Variants in CHD6 observed in about 807,000 individuals in gnomAD.
The protein encoded by CHD6 is chromodomain helicase DNA binding protein 6.
CHD6 carries 50 observed loss-of-function variants against 276.9 expected under a neutral mutation model. The observed-to-expected ratio is 0.18, with a 90% CI of 0.14 to 0.23. CHD6 has a LOEUF of 0.23. Among genes scored for constraint, CHD6 ranks in the 10% least tolerant of loss-of-function variants. The probability of loss-of-function intolerance (pLI) is 1.00; values close to 1 mark genes in which losing one functional copy is unlikely to be tolerated. For missense variants in CHD6, 2,564 were observed against 3,365.8 expected (o/e 0.76, Z 5.89); for synonymous variants, 1,173 against 1,229.3 (o/e 0.95, Z 0.96).
intron 3 of CHD6, among the ~76,000 whole-genome samples, chr20:41,530,535 T>A (rs1601095786): frequency 6.6e-6 from 1 of 152,320 alleles, no homozygotes; most frequent in East Asian, 1.9e-4. Context: ...AAGGCTTAAT[T>A]ACTAACATAT....
chr20:41,527,104 C>G (rs2044557976), intron 3 of CHD6, among the ~76,000 whole-genome samples: 1 of 152,102 alleles, frequency 6.6e-6, no homozygotes, highest in Admixed American at 6.5e-5. Flanking sequence ...CTGCCCTCAC[C>G]AACAACATGA....
chr20:41,435,737 C>G (rs1188652849), intron 27 of CHD6, among the ~76,000 whole-genome samples: 1 of 151,968 alleles, frequency 6.6e-6, no homozygotes, highest in Non-Finnish European at 1.5e-5. Flanking sequence ...ATCCCAGCAA[C>G]AGTTTCTGTG....
At chr20:41,459,954 T>C (rs1043119054) in intron 17 of CHD6, among the ~76,000 whole-genome samples, 3 of 152,226 alleles carry the variant, frequency 2.0e-5, no homozygotes, top group Admixed American at 2.0e-4. Context: ...TACAGACTTG[T>C]TCAATGGCTT....
At chr20:41,420,487 A>C (rs769002625) in intron 31 of CHD6, 21 bp downstream of exon 31, 2 of 1,577,622 alleles carry the variant, frequency 1.3e-6, no homozygotes, top group Admixed American at 1.8e-5. Context: ...CCAAAATGCC[A>C]CAAGATCCTA....
chr20:41,525,650 C>T (rs2044513388), intron 3 of CHD6, among the ~76,000 whole-genome samples: 1 of 152,158 alleles, frequency 6.6e-6, no homozygotes, highest in Non-Finnish European at 1.5e-5. Flanking sequence ...CTGCGTGTAC[C>T]ATCTTAAAAT....
In CHD6 at chr20:41,451,031, C is replaced by T. The variant is rs2048222566; in HGVS notation, c.3598G>A (p.Asp1200Asn). 6.2e-7 allele frequency: 1 copy of T among 1,613,898 alleles called. No homozygotes were observed. Among genetic ancestry groups the T allele is most frequent in the African/African-American group, 1.3e-5 (1 of 74,932 alleles). The change falls in exon 23 of 37, where the codon GAT (aspartate) becomes AAT (asparagine). Residue 1200 changes from aspartate (D) to asparagine (N), a missense_variant. Transcript: ENST00000373233. ...TTGCAGGTGGCTAGCCAATCTGCAT[C>T]CTTTAGCTCTGGGATTAGCAACTGG... ...KNQLLIPELK[D>N]ADWLATCNPE...
intron 1 of CHD6, among the ~76,000 whole-genome samples, chr20:41,552,879 TG>T (rs2045167279): frequency 6.6e-6 from 1 of 152,176 alleles, no homozygotes; most frequent in South Asian, 2.1e-4. Context: ...AGAGACTAAC[TG>T]GCTAAATCAG....
At chr20:41,528,838 A>G (rs748768822) in intron 3 of CHD6, among the ~76,000 whole-genome samples, 2 of 152,236 alleles carry the variant, frequency 1.3e-5, no homozygotes, top group African/African-American at 2.4e-5. Flanking sequence ...TAGAACAGAC[A>G]TGTTCAATAA....
Position 41,589,974 on chromosome 20 carries a change from G to C in CHD6, c.-24+28366C>G, listed in dbSNP as rs538184514. Reference sequence around the variant, plus strand: ...ACCTGACTTCAAACTATACTACAAGGCTACAGTAACCAAAACAGCATGGTA... The same window carrying C: ...ACCTGACTTCAAACTATACTACAAGCCTACAGTAACCAAAACAGCATGGTA... On this transcript the variant is annotated intron_variant, in intron 1 of 36. Coordinates refer to ENST00000373233, the MANE Select transcript of CHD6 (RefSeq NM_032221.5). Among the ~76,000 whole-genome samples, 1,373 of 144,202 alleles carry C rather than the reference G, an allele frequency of 9.5e-3. 9 individuals are homozygous for C. The highest frequency in any genetic ancestry group is 0.016 in the Non-Finnish European group (1,065 of 66,460). 94.6% of individuals were successfully genotyped at this position (144,202 alleles called of 152,430 possible).
intron 3 of CHD6, among the ~76,000 whole-genome samples, chr20:41,531,473 A>G (rs568693176): frequency 3.3e-5 from 5 of 152,230 alleles, no homozygotes; most frequent in African/African-American, 1.2e-4. Flanking sequence ...GAGGCTGAAC[A>G]GTCACTCTGC....
intron 1 of CHD6, among the ~76,000 whole-genome samples, chr20:41,602,059 TC>T (rs1242325326): frequency 6.6e-6 from 1 of 152,210 alleles, no homozygotes; most frequent in African/African-American, 2.4e-5. Flanking sequence ...CCTCTCCTCT[TC>T]CACTTTCCTA....
chr20:41,519,156 G>A (rs1405693002), intron 3 of CHD6, among the ~76,000 whole-genome samples: 2 of 152,162 alleles, frequency 1.3e-5, no homozygotes, highest in African/African-American at 2.4e-5. Flanking sequence ...GGTGGCGCAG[G>A]CCTGTGGTCC....
At chr20:41,489,239 A>T (rs2043491518) in intron 12 of CHD6, among the ~76,000 whole-genome samples, 2 of 152,136 alleles carry the variant, frequency 1.3e-5, no homozygotes, top group South Asian at 4.1e-4. Flanking sequence ...GAAATCGTTT[A>T]ATTTTTACCT....
At chr20:41,479,196 T>C (rs1473677730) in intron 16 of CHD6, among the ~76,000 whole-genome samples, 2 of 152,090 alleles carry the variant, frequency 1.3e-5, no homozygotes, top group African/African-American at 2.4e-5. Flanking sequence ...TGGGGAATTA[T>C]CTCAAGGTCA....
At position 41,589,115 on chromosome 20, in the gene CHD6, A is replaced by G. The variant is rs539412009; in HGVS notation, c.-24+29225T>C. Among the ~76,000 whole-genome samples the G allele has an allele frequency of 1.5e-4, 23 of 152,300 alleles. No homozygotes were observed. In the East Asian group the frequency reaches 4.0e-3, roughly 27 times the overall value. ...CATATAAACAGAACCAAAGACAAAA[A>G]CCACATGATTATCTCAATAGATGCA... On this transcript the variant is annotated intron_variant, in intron 1 of 36. Transcript: ENST00000373233.
Position 41,499,282 on chromosome 20 carries a change from A to G in CHD6, c.915+13T>C, listed in dbSNP as rs377057659. 3.5e-5 allele frequency: 56 copies of G among 1,595,266 alleles called. No homozygotes were observed. Among genetic ancestry groups the G allele is most frequent in the Non-Finnish European group, 4.6e-5 (54 of 1,170,048 alleles). On this transcript the variant is annotated intron_variant, in intron 6 of 36. Transcript: ENST00000373233. ...TGCTAATGATATAAAAGCTAGAAACATGAGCCACCAACCTCCTGGACAGTC... is the reference window on the plus strand; with the variant it reads ...TGCTAATGATATAAAAGCTAGAAACGTGAGCCACCAACCTCCTGGACAGTC...
intron 30 of CHD6, among the ~76,000 whole-genome samples, chr20:41,422,857 T>TG (rs1266165772): frequency 2.0e-5 from 3 of 152,220 alleles, no homozygotes; most frequent in Non-Finnish European, 4.4e-5. Flanking sequence ...AGGCAAAGGC[T>TG]GGTATGTCTT....
In CHD6 at chr20:41,430,793, G is replaced by A. The variant is rs143620331; in HGVS notation, c.4069-4640C>T. Among the ~76,000 whole-genome samples, 19 of 151,750 alleles carry A rather than the reference G, an allele frequency of 1.3e-4. No individual in the cohort carries two copies. The East Asian group carries it at 2.1e-3, about 17-fold the overall frequency. ...CTTGAGTTGTTTCTACAGGGAAAAC[G>A]CATCCCAAATTCCAGACAAAAGCAA... On this transcript the variant is annotated intron_variant, in intron 27 of 36. Coordinates refer to ENST00000373233, the MANE Select transcript of CHD6 (RefSeq NM_032221.5).
chr20:41,548,704 G>T (rs2045091838), intron 2 of CHD6, among the ~76,000 whole-genome samples: 1 of 152,010 alleles, frequency 6.6e-6, no homozygotes, highest in Admixed American at 6.5e-5. Context: ...ACAGTGAACA[G>T]GCAACCTACA....
Sources: allele counts gnomAD v4.1 joint callset (sites outside exome capture counted in the v4.1 genomes callset), GRCh38; gene constraint gnomAD v4.1.1; transcripts MANE v1.5; gene names NCBI Gene and HGNC (gene_info 2026-07-23, HGNC 2026-07-21).